Variants in HIPK2 observed in about 807,000 individuals in gnomAD.
HIPK2 encodes the protein homeodomain-interacting protein kinase 2.
Under a neutral mutation model 113.7 loss-of-function variants are expected in HIPK2, and 27 were observed. The ratio of observed to expected loss-of-function variants is 0.24; its 90% CI spans 0.17 to 0.33. HIPK2 has a LOEUF of 0.33. Among genes scored for constraint, HIPK2 ranks in the 10% least tolerant of loss-of-function variants. The pLI, the probability that HIPK2 is intolerant of heterozygous loss-of-function variation, is 1.00. For missense variants in HIPK2, 1,257 were observed against 1,588.0 expected, an observed-to-expected ratio of 0.79 and a Z score of 3.54; for synonymous variants, 631 against 642.2, an observed-to-expected ratio of 0.98 and a Z score of 0.26.
chr7:139,744,916 C>T (rs986704308), intron 1 of HIPK2, among the ~76,000 whole-genome samples: 1 of 152,214 alleles, frequency 6.6e-6, no homozygotes, highest in Non-Finnish European at 1.5e-5. Context: ...ACATAAAATG[C>T]TAGTGCTGGA....
chr7:139,708,138 C>G (rs1445548603), intron 2 of HIPK2, among the ~76,000 whole-genome samples: 1 of 152,114 alleles, frequency 6.6e-6, no homozygotes, highest in African/African-American at 2.4e-5. Flanking sequence ...TCCACAGGGT[C>G]TACACTACAC....
At chr7:139,621,964 A>G (rs558423599) in intron 6 of HIPK2, among the ~76,000 whole-genome samples, 3 of 151,996 alleles carry the variant, frequency 2.0e-5, no homozygotes, top group East Asian at 3.9e-4. Flanking sequence ...AAAGAAAAAA[A>G]ACTCATTTAA....
At chr7:139,773,567 C>T (rs1434082051) in intron 1 of HIPK2, among the ~76,000 whole-genome samples, 2 of 152,150 alleles carry the variant, frequency 1.3e-5, no homozygotes, top group Admixed American at 1.3e-4. Flanking sequence ...CTACTTTGCT[C>T]CACACAAACC....
rs368442476 is a variant in HIPK2 at position 139,667,225 on chromosome 7, T to C, written c.1104-35500A>G. ...GTTACCCTTGCATAGTTTTGGTCTT[T>C]CTACTTATAATCAAGTCCACCAATT... On this transcript the variant is annotated intron_variant, in intron 2 of 14. Transcript: ENST00000406875. Among the ~76,000 whole-genome samples the C allele has an allele frequency of 7.6e-4, 116 of 152,364 alleles. 1 individual carries two copies. In the South Asian group the frequency reaches 0.012, roughly 16 times the overall value.
rs554566175 is a variant in HIPK2 at position 139,759,123 on chromosome 7, G to T, written c.19+18482C>A. 3.1e-3 allele frequency among the ~76,000 whole-genome samples: 472 copies of T among 152,226 alleles called. 2 individuals are homozygous for T. Among genetic ancestry groups the T allele is most frequent in the Non-Finnish European group, 2.9e-3 (199 of 67,998 alleles). On this transcript the variant is annotated intron_variant, in intron 1 of 14. Transcript: ENST00000406875. ...AAGACCAACAACATAGTGGGAAAAT[G>T]TCTGAAATTCAAAACACACTCCACA...
At position 139,626,643 on chromosome 7, in the gene HIPK2, A is replaced by G. The variant is rs751468746; in HGVS notation, c.1577T>C (p.Phe526Ser). Reference sequence around the variant, plus strand: ...ATCGAGTAAGTGTGTCATGGTGACAAAGGGATGGTTCAGGGTTTCGATTGG... The same window carrying G: ...ATCGAGTAAGTGTGTCATGGTGACAGAGGGATGGTTCAGGGTTTCGATTGG... ...ITPIETLNHPFVTMTHLLDFP... is the reference protein window; with the variant it reads ...ITPIETLNHPSVTMTHLLDFP... Residue 526 changes from phenylalanine to serine, a missense_variant, in exon 6 of 15, where the codon TTT (phenylalanine) becomes TCT (serine). This residue lies in a region of HIPK2 where 862 missense variants were observed against 1,004.3 expected (regional missense o/e 0.86). Coordinates refer to ENST00000406875, the MANE Select transcript of HIPK2 (RefSeq NM_022740.5). 6.2e-6 allele frequency: 10 copies of G among 1,613,970 alleles called. No homozygotes were observed. In the Admixed American group the frequency reaches 1.7e-4, roughly 27 times the overall value.
intron 2 of HIPK2, among the ~76,000 whole-genome samples, chr7:139,689,571 G>A (rs1458262709): frequency 6.6e-6 from 1 of 152,102 alleles, no homozygotes; most frequent in Non-Finnish European, 1.5e-5. Context: ...GTCTGTTGAT[G>A]GTGAAGAATA....
intron 2 of HIPK2, among the ~76,000 whole-genome samples, chr7:139,706,715 G>A (rs1012313381): frequency 1.1e-4 from 16 of 152,248 alleles, no homozygotes; most frequent in African/African-American, 3.9e-4. Context: ...CCAACTCCTC[G>A]CAAACGTTTA....
intron 2 of HIPK2, among the ~76,000 whole-genome samples, chr7:139,690,442 T>C (rs901579269): frequency 1.3e-5 from 2 of 152,102 alleles, no homozygotes; most frequent in South Asian, 2.1e-4. Flanking sequence ...TGGGAGGTAT[T>C]TGGGTCATGG....
chr7:139,701,518 CACAT>C, intron 2 of HIPK2, among the ~76,000 whole-genome samples: 1 of 152,248 alleles, frequency 6.6e-6, no homozygotes. Flanking sequence ...TAGCCCAACT[CACAT>C]AGCTGGCGGG....
intron 9 of HIPK2, among the ~76,000 whole-genome samples, chr7:139,605,506 T>C (rs967451999): frequency 6.6e-6 from 1 of 152,198 alleles, no homozygotes; most frequent in Non-Finnish European, 1.5e-5. Flanking sequence ...AAACTGTGCA[T>C]GTGCTCAGTG....
At chr7:139,738,313 C>T (rs1299869808) in intron 1 of HIPK2, among the ~76,000 whole-genome samples, 1 of 152,216 alleles carries the variant, frequency 6.6e-6, no homozygotes, top group Non-Finnish European at 1.5e-5. Flanking sequence ...GCTGAAGCAT[C>T]GGGGGTAACG....
At chr7:139,608,643 G>A (rs566037587) in intron 9 of HIPK2, among the ~76,000 whole-genome samples, 5 of 152,154 alleles carry the variant, frequency 3.3e-5, no homozygotes, top group African/African-American at 1.2e-4. Flanking sequence ...ACCTCTCCTT[G>A]TGTTGATAAT....
chr7:139,580,709 C>T (rs1280799049), intron 13 of HIPK2, among the ~76,000 whole-genome samples: 1 of 152,228 alleles, frequency 6.6e-6, no homozygotes, highest in Non-Finnish European at 1.5e-5. Flanking sequence ...GGCTGGTCAA[C>T]CCCTCTGTGC....
chr7:139,590,461 T>C (rs2116606631), intron 12 of HIPK2, among the ~76,000 whole-genome samples: 1 of 152,334 alleles, frequency 6.6e-6, no homozygotes. Flanking sequence ...GTGTCTCTGA[T>C]TTCTATTTGC....
intron 5 of HIPK2, among the ~76,000 whole-genome samples, chr7:139,627,375 G>A (rs1386440268): frequency 6.6e-6 from 1 of 152,162 alleles, no homozygotes; most frequent in Non-Finnish European, 1.5e-5. Flanking sequence ...GGAAGGGCCT[G>A]AGTGTGCCCG....
chr7:139,659,763 GCT>G (rs1229608541), intron 2 of HIPK2, among the ~76,000 whole-genome samples: 2 of 16,946 alleles, frequency 1.2e-4, no homozygotes, highest in Non-Finnish European at 3.8e-4. Flanking sequence ...TCTCTTTTCT[GCT>G]CTTTTCTTCC....
At chr7:139,653,622 T>G (rs1195896924) in intron 2 of HIPK2, among the ~76,000 whole-genome samples, 2 of 152,032 alleles carry the variant, frequency 1.3e-5, no homozygotes, top group African/African-American at 4.8e-5. Flanking sequence ...CCTGGTGTGA[T>G]GAAAATCGCC....
chr7:139,649,375 C>A (rs1413520624), intron 2 of HIPK2, among the ~76,000 whole-genome samples: 1 of 152,172 alleles, frequency 6.6e-6, no homozygotes, highest in East Asian at 1.9e-4. Context: ...AGTTCCCAGC[C>A]TAAGATTTTG....
Sources: gnomAD v4.1 joint callset for allele counts (sites outside exome capture counted in the v4.1 genomes callset) on GRCh38, gnomAD v4.1.1 for gene constraint, gnomAD v4.1.1 regional missense constraint, MANE v1.5 for transcripts, NCBI Gene and HGNC (gene_info 2026-07-23, HGNC 2026-07-21) for gene names.